The following ANO3 variants were observed in gnomAD, a reference collection of about 807,000 sequenced individuals.
ANO3 encodes anoctamin-3.
Under a neutral mutation model 144.8 loss-of-function variants are expected in ANO3, and 99 were observed. The ratio of observed to expected loss-of-function variants is 0.68; its 90% CI spans 0.58 to 0.81. The LOEUF (loss-of-function observed/expected upper bound fraction) is 0.81. ANO3 is among the 30% of genes least tolerant of loss of function. The pLI is 0.00. For synonymous variants in ANO3, 414 were observed against 392.6 expected (o/e 1.05, Z -0.64); for missense variants, 905 against 1,202.2 (o/e 0.75, Z 3.66).
intron 1 of ANO3, among the ~76,000 whole-genome samples, chr11:26,242,346 A>G (rs1005427520): frequency 6.6e-6 from 1 of 152,026 alleles, no homozygotes; most frequent in African/African-American, 2.4e-5. Flanking sequence ...TATGAAATCT[A>G]CTCTGTAGAT....
chr11:26,369,398 C>A (rs1856186023), intron 1 of ANO3, among the ~76,000 whole-genome samples: 1 of 152,136 alleles, frequency 6.6e-6, no homozygotes, highest in Admixed American at 6.6e-5. Context: ...CCTCCTCCTT[C>A]TCCTCCTTCC....
At chr11:26,609,690 G>T (rs1007460224) in intron 17 of ANO3, among the ~76,000 whole-genome samples, 6 of 151,928 alleles carry the variant, frequency 3.9e-5, no homozygotes, top group Non-Finnish European at 7.4e-5. Context: ...AAATTGTGCT[G>T]CAATAAACTT....
chr11:26,618,837 T>C (rs1852333792), intron 17 of ANO3, among the ~76,000 whole-genome samples: 1 of 152,222 alleles, frequency 6.6e-6, no homozygotes, highest in Admixed American at 6.5e-5. Context: ...TGAATATCTC[T>C]TTATCTTTGA....
chr11:26,640,081 A>T (rs1184120165), intron 21 of ANO3, among the ~76,000 whole-genome samples: 2 of 152,162 alleles, frequency 1.3e-5, no homozygotes, highest in East Asian at 3.9e-4. Context: ...GGGGTTGTAG[A>T]AGTGATATTA....
At chr11:26,379,354 A>T (rs915873026) in intron 1 of ANO3, among the ~76,000 whole-genome samples, 1 of 152,182 alleles carries the variant, frequency 6.6e-6, no homozygotes, top group Non-Finnish European at 1.5e-5. Flanking sequence ...TCTATTTTCC[A>T]TTTGTAAATC....
intron 18 of ANO3, among the ~76,000 whole-genome samples, chr11:26,630,703 GTTTTC>G (rs1852749708): frequency 6.6e-6 from 1 of 152,120 alleles, no homozygotes; most frequent in Admixed American, 6.5e-5. Flanking sequence ...TCGAGATATA[GTTTTC>G]TTTTCTTTTA....
intron 4 of ANO3, among the ~76,000 whole-genome samples, chr11:26,487,507 G>A (rs1860501146): frequency 6.6e-6 from 1 of 152,168 alleles, no homozygotes; most frequent in Non-Finnish European, 1.5e-5. Context: ...CCGAAAATGT[G>A]GAAGTGACTT....
chr11:26,490,981 A>G (rs1860682437), intron 4 of ANO3, among the ~76,000 whole-genome samples: 1 of 152,196 alleles, frequency 6.6e-6, no homozygotes. Context: ...AGCAATGTCA[A>G]ATCTATGGCT....
intron 10 of ANO3, among the ~76,000 whole-genome samples, chr11:26,541,503 GA>G (rs1849643445): frequency 6.6e-6 from 1 of 151,940 alleles, no homozygotes; most frequent in African/African-American, 2.4e-5. Flanking sequence ...TATATTTTTT[GA>G]ATGAACACTT....
chr11:26,460,691 A>G (rs943095652), intron 3 of ANO3, among the ~76,000 whole-genome samples: 1 of 120,014 alleles, frequency 8.3e-6, no homozygotes, highest in Non-Finnish European at 1.8e-5. Context: ...GATGAGTTAT[A>G]GGAATTAAAG....
intron 4 of ANO3, among the ~76,000 whole-genome samples, chr11:26,466,414 G>A (rs575889534): frequency 6.6e-6 from 1 of 151,996 alleles, no homozygotes; most frequent in South Asian, 2.1e-4. Context: ...CCCATCAAGA[G>A]ATAGAGTCTA....
chr11:26,227,909 T>A (rs1400533556), intron 1 of ANO3, among the ~76,000 whole-genome samples: 2 of 152,204 alleles, frequency 1.3e-5, no homozygotes, highest in African/African-American at 4.8e-5. Flanking sequence ...GTCAGTGTGA[T>A]TGGAAAGTCA....
intron 1 of ANO3, among the ~76,000 whole-genome samples, chr11:26,236,584 C>A (rs898101491): frequency 5.9e-5 from 9 of 151,976 alleles, no homozygotes; most frequent in Admixed American, 2.6e-4. Flanking sequence ...TTTGGGAGGC[C>A]AAGGTGGGCG....
chr11:26,280,080 A>T (rs1853645146), intron 1 of ANO3, among the ~76,000 whole-genome samples: 1 of 152,024 alleles, frequency 6.6e-6, no homozygotes, highest in Admixed American at 6.6e-5. Flanking sequence ...CCAATTGTTA[A>T]CTCTTTCACA....
chr11:26,590,955 G>C (rs923961883), intron 14 of ANO3, among the ~76,000 whole-genome samples: 1 of 152,132 alleles, frequency 6.6e-6, no homozygotes, highest in African/African-American at 2.4e-5. Context: ...GCCCACTCCC[G>C]TCTCGAATGC....
At chr11:26,333,759 A>G (rs756204034) in intron 1 of ANO3, among the ~76,000 whole-genome samples, 6 of 152,224 alleles carry the variant, frequency 3.9e-5, no homozygotes. Flanking sequence ...ATTGGGAGTG[A>G]TGTGTGAGAC....
intron 1 of ANO3, among the ~76,000 whole-genome samples, chr11:26,243,514 A>G (rs139835575): frequency 6.6e-6 from 1 of 152,184 alleles, no homozygotes; most frequent in East Asian, 1.9e-4. Flanking sequence ...AGAGAAAGCT[A>G]TTTGCTTAGA....
chr11:26,511,299 G>A (rs991634937), intron 5 of ANO3, among the ~76,000 whole-genome samples: 1 of 152,070 alleles, frequency 6.6e-6, no homozygotes, highest in African/African-American at 2.4e-5. Flanking sequence ...AAGCCGAGTT[G>A]GGAGATTTTT....
rs141482510 is a variant in ANO3, at chr11:26,532,425, A to T, written c.869+1089A>T. On this transcript the variant is annotated intron_variant, in intron 8 of 26. Transcript: ENST00000256737. ...TCTACTCTTTTTTTTTAAACCCTGA[A>T]ACCAGAGTAATCTTTGGAAAATATC... Among the ~76,000 whole-genome samples the T allele has an allele frequency of 4.6e-3, 698 of 152,202 alleles. 2 individuals are homozygous for T. The highest frequency in any genetic ancestry group is 0.016 in the African/African-American group (668 of 41,548).
Sources: gnomAD v4.1 joint callset for allele counts (sites outside exome capture counted in the v4.1 genomes callset) on GRCh38, gnomAD v4.1.1 for gene constraint, MANE v1.5 for transcripts, NCBI Gene and HGNC (gene_info 2026-07-23, HGNC 2026-07-21) for gene names.